ZNF48: variants seen among roughly 807,000 people sequenced by gnomAD.
The protein encoded by ZNF48 is zinc finger protein 553.
ZNF48 carries 20 observed loss-of-function variants against 40.0 expected under a neutral mutation model. The ratio of observed to expected loss-of-function variants is 0.50; its 90% CI spans 0.35 to 0.73. ZNF48 has a LOEUF of 0.73. Ranked by LOEUF, ZNF48 falls within the 30% of genes least tolerant of loss-of-function variation. ZNF48 has a pLI of 0.01. For synonymous variants in ZNF48, 298 were observed against 329.7 expected, an observed-to-expected ratio of 0.90 and a Z score of 1.04; for missense variants, 726 against 851.9, an observed-to-expected ratio of 0.85 and a Z score of 1.84.
At position 30,398,810 on chromosome 16, in the gene ZNF48, A is replaced by C. The variant is rs1199142180; in HGVS notation, c.1560A>C (p.Pro520=). 2 of 1,613,292 alleles carry C rather than the reference A, an allele frequency of 1.2e-6. No individual in the cohort carries two copies. The highest frequency in any genetic ancestry group is 1.6e-4 in the Middle Eastern group (1 of 6,062). Residue 520 remains proline, a synonymous_variant, in exon 3 of 3, where the codon CCA becomes CCC. Coordinates refer to ENST00000613509, the MANE Select transcript of ZNF48 (RefSeq NM_001214909.2). The surrounding 1 kb of genome is among the most constrained non-coding windows in gnomAD (Gnocchi z 6.6). Reference sequence around the variant, plus strand: ...CCACTCTGCTGCGGCCACATAACCCACCTGGCCCAGTACCCATGGCCCCTC... The same window carrying C: ...CCACTCTGCTGCGGCCACATAACCCCCCTGGCCCAGTACCCATGGCCCCTC... ...PPSTLLRPHN[P]PGPVPMAPRP...
upstream of ZNF48, among the ~76,000 whole-genome samples, chr16:30,392,842 A>G (rs1350746251): frequency 7.2e-5 from 11 of 152,184 alleles, no homozygotes; most frequent in Admixed American, 7.2e-4. Flanking sequence ...AGAACCTGTC[A>G]CACCATCTGA....
chr16:30,378,794 T>C, intron 1 of ZNF48: 1 of 1,271,098 alleles, frequency 7.9e-7, no homozygotes, highest in Non-Finnish European at 1.1e-6. Flanking sequence ...GGTTGGGGTC[T>C]AGGAGGCGGA....
chr16:30,382,240 T>A lies in ZNF48; in HGVS notation c.-16+3830T>A, dbSNP rs199858407. The A allele has an allele frequency of 1.9e-4, 309 of 1,612,794 alleles. 2 individuals are homozygous for A. The African/African-American group carries it at 3.9e-3, about 20-fold the overall frequency. On this transcript the variant is annotated intron_variant, in intron 1 of 2. Coordinates refer to the ZNF48 transcript ENST00000528032. This position sits in a 1 kb window ranked among gnomAD's most constrained non-coding sequence, Gnocchi z 4.8. ...GGACAGCCAGGGCCTCCTAAGGACA[T>A]CCCCTCCGCAGTTCCCTCTCCAAAA...
At position 30,399,121 on chromosome 16, in the gene ZNF48, G is replaced by A. The variant is rs747236204; in HGVS notation, c.*14G>A. Reference sequence around the variant, plus strand: ...GGACTGGAATGACGCGGTCCAGGGAGGGCGGAGGCCCAGGAGACCAAAGGG... The same window carrying A: ...GGACTGGAATGACGCGGTCCAGGGAAGGCGGAGGCCCAGGAGACCAAAGGG... On this transcript the variant is annotated 3_prime_UTR_variant, in exon 3 of 3. Coordinates refer to ENST00000613509, the MANE Select transcript of ZNF48 (RefSeq NM_001214909.2). 1.4e-5 allele frequency: 22 copies of A among 1,553,416 alleles called. No homozygotes were observed. Among genetic ancestry groups the A allele is most frequent in the Non-Finnish European group, 1.9e-5 (22 of 1,149,636 alleles).
At chr16:30,389,816 GTTTTTTTTTTTTTTTTTTTTTTTT>G (rs56373430) in intron 1 of ZNF48, among the ~76,000 whole-genome samples, 4 of 22,480 alleles carry the variant, frequency 1.8e-4, no homozygotes, top group East Asian at 2.5e-3. Context: ...ATTTGGATTA[GTTTTTTTTTTTTTTTTTTTTTTTT>G]TTTTTTTTTT....
chr16:30,390,741 C>T (rs1342844733), upstream of ZNF48, among the ~76,000 whole-genome samples: 1 of 151,154 alleles, frequency 6.6e-6, no homozygotes, highest in Non-Finnish European at 1.5e-5. Flanking sequence ...CTGCCTCAGC[C>T]TCCTGAGTAG....
In ZNF48 at chr16:30,395,753, C is replaced by G; in HGVS notation, c.-15-27C>G. The stretch of plus-strand genomic sequence containing the variant: ...CGGGCCACACATGGCTGCGTGACCG[C>G]GGGATGCTGTCTGTCCCCTTGCTCA... On this transcript the variant is annotated intron_variant, in intron 1 of 2. Coordinates refer to ENST00000613509, the MANE Select transcript of ZNF48 (RefSeq NM_001214909.2). This position sits in a 1 kb window ranked among gnomAD's most constrained non-coding sequence, Gnocchi z 5.9. 6.9e-7 allele frequency: 1 copy of G among 1,455,888 alleles called. No individual in the cohort carries two copies. The highest frequency in any genetic ancestry group is 1.4e-5 in the African/African-American group (1 of 69,196). The allele number at this position is 1,455,888 out of a possible 1,614,324, so 90.2% of individuals were successfully genotyped here. A position where few individuals can be genotyped will look rare whatever the true frequency, so the allele number is the denominator to read the frequency against.
intron 1 of ZNF48, chr16:30,378,470 C>T (rs2151108980): frequency 6.3e-7 from 1 of 1,577,464 alleles, no homozygotes. Flanking sequence ...GGGCCTGGCT[C>T]TGCTGCATTT....
At chr16:30,394,973 G>GCCCCCCCCCCC, upstream of ZNF48, 1 of 226,162 alleles carries the variant, frequency 4.4e-6, no homozygotes, top group Non-Finnish European at 9.2e-6. Context: ...CCCACCCCGG[G>GCCCCCCCCCCC]CCCTCGGCCT....
chr16:30,379,029 T>A (rs770581024), intron 1 of ZNF48: 1 of 1,612,708 alleles, frequency 6.2e-7, no homozygotes, highest in Admixed American at 1.7e-5. Context: ...TGCGGCTGGC[T>A]CGATCGCGAG....
intron 1 of ZNF48, among the ~76,000 whole-genome samples, chr16:30,386,939 CTTTTTTTTTT>C (rs1173887858): frequency 9.3e-6 from 1 of 107,618 alleles, no homozygotes; most frequent in Non-Finnish European, 2.0e-5. Context: ...TGCACCTGGC[CTTTTTTTTTT>C]TTTTTTTTTT....
rs557390115 is a variant in ZNF48, at chr16:30,384,707, G to A, written c.-16+6297G>A. ...GCCTGGCCAACATGGTGAAACCCCC[G>A]TCTCTACTAAGAATACAAAAATTAG... On this transcript the variant is annotated intron_variant, in intron 1 of 2. Transcript: ENST00000528032. Among the ~76,000 whole-genome samples, 11 of 147,686 alleles carry A rather than the reference G, an allele frequency of 7.4e-5. No homozygotes were observed. In the East Asian group the frequency reaches 1.6e-3, roughly 22 times the overall value.
Position 30,398,336 on chromosome 16 carries a change from G to T in ZNF48, c.1086G>T (p.Pro362=). Residue 362 remains proline, a synonymous_variant, in exon 3 of 3, where the codon CCG becomes CCT. Coordinates refer to ENST00000613509, the MANE Select transcript of ZNF48 (RefSeq NM_001214909.2). This position sits in a 1 kb window ranked among gnomAD's most constrained non-coding sequence, Gnocchi z 6.6. ...GTGGCGAGAGGCCCCATGCCTGCCCGGAATGCGACCGTACCTTCAGCCTCA... is the reference window on the plus strand; with the variant it reads ...GTGGCGAGAGGCCCCATGCCTGCCCTGAATGCGACCGTACCTTCAGCCTCA... ...THSGERPHAC[P]ECDRTFSLSS... 6.2e-7 allele frequency: 1 copy of T among 1,611,880 alleles called. No homozygotes were observed. Among genetic ancestry groups the T allele is most frequent in the Non-Finnish European group, 8.5e-7 (1 of 1,179,418 alleles).
chr16:30,392,145 C>T (rs2049947223), upstream of ZNF48, among the ~76,000 whole-genome samples: 1 of 152,250 alleles, frequency 6.6e-6, no homozygotes, highest in South Asian at 2.1e-4. Context: ...GCTTCAGCCT[C>T]CTGAGTATCT....
intron 2 of ZNF48, among the ~76,000 whole-genome samples, chr16:30,396,204 T>G (rs551493228): frequency 6.6e-6 from 1 of 152,212 alleles, no homozygotes; most frequent in Admixed American, 6.5e-5. Context: ...TAAGTCCAGA[T>G]ATAATCCTGT....
At position 30,382,886 on chromosome 16, in the gene ZNF48, T is replaced by C; in HGVS notation, c.-16+4476T>C. 8.9e-7 allele frequency: 1 copy of C among 1,128,454 alleles called. No homozygotes were observed. 69.9% of individuals were successfully genotyped at this position (1,128,454 alleles called of 1,614,324 possible). A position where few individuals can be genotyped will look rare whatever the true frequency, so the allele number is the denominator to read the frequency against. Reference sequence around the variant, plus strand: ...TTTTGATGAGCTGATTAGAAAACAGTTCCCAGGACGGGCAAGGTGGCTCTC... The same window carrying C: ...TTTTGATGAGCTGATTAGAAAACAGCTCCCAGGACGGGCAAGGTGGCTCTC... On this transcript the variant is annotated intron_variant, in intron 1 of 2. Coordinates refer to the ZNF48 transcript ENST00000528032. The surrounding 1 kb of genome is among the most constrained non-coding windows in gnomAD (Gnocchi z 4.8).
chr16:30,379,552 G>T, intron 1 of ZNF48: 1 of 1,599,062 alleles, frequency 6.3e-7, no homozygotes. Flanking sequence ...GCAGGGGGCA[G>T]GGGTTCACCA....
Position 30,400,083 on chromosome 16 carries a change from TTAAA to T in ZNF48, c.*981_*984del. On this transcript the variant is annotated 3_prime_UTR_variant, in exon 3 of 3. Coordinates refer to ENST00000613509, the MANE Select transcript of ZNF48 (RefSeq NM_001214909.2). Reference sequence around the variant, plus strand: ...GTGCTTCCCTTGCTCTCTGAGCCCATTAAATAAAGAGGTTGTCTTGGCGTAGTCA... The same window carrying T: ...GTGCTTCCCTTGCTCTCTGAGCCCATTAAAGAGGTTGTCTTGGCGTAGTCA... 6.6e-6 allele frequency: 1 copy of T among 152,132 alleles called. No homozygotes were observed. Among genetic ancestry groups the T allele is most frequent in the African/African-American group, 2.4e-5 (1 of 41,412 alleles). The allele number at this position is 152,132 out of a possible 1,614,324, so 9.4% of individuals were successfully genotyped here.
intron 1 of ZNF48, among the ~76,000 whole-genome samples, chr16:30,385,195 AATAAT>A (rs974468799): frequency 1.4e-5 from 2 of 138,482 alleles, no homozygotes; most frequent in African/African-American, 5.3e-5. Flanking sequence ...TAATAATAAT[AATAAT>A]AATAATAATA....
Sources: allele counts gnomAD v4.1 joint callset (sites outside exome capture counted in the v4.1 genomes callset), GRCh38; gene constraint gnomAD v4.1.1; non-coding constraint Gnocchi (gnomAD v3.1); transcripts MANE v1.5; gene names NCBI Gene and HGNC (gene_info 2026-07-23, HGNC 2026-07-21).